ST6GALNAC3: variants seen among roughly 807,000 people sequenced by gnomAD.
ST6GALNAC3 encodes the protein alpha-N-acetylgalactosaminide alpha-2,6-sialyltransferase 3.
A neutral mutation model predicts 32.7 loss-of-function variants in ST6GALNAC3; 25 were observed. The ratio of observed to expected loss-of-function variants is 0.76; its 90% CI spans 0.56 to 1.07. The LOEUF (loss-of-function observed/expected upper bound fraction) is 1.07, where lower values mean the gene tolerates loss of function less well. Among genes scored for constraint, ST6GALNAC3 ranks in the 50% least tolerant of loss-of-function variants. The probability of loss-of-function intolerance (pLI) is 0.00; values close to 1 mark genes in which losing one functional copy is unlikely to be tolerated. For synonymous variants in ST6GALNAC3, 129 were observed against 133.1 expected, an observed-to-expected ratio of 0.97 and a Z score of 0.21; for missense variants, 355 against 382.4, an observed-to-expected ratio of 0.93 and a Z score of 0.60.
At chr1:76,330,808 T>A (rs774345040) in intron 2 of ST6GALNAC3, among the ~76,000 whole-genome samples, 12 of 152,186 alleles carry the variant, frequency 7.9e-5, no homozygotes, top group Non-Finnish European at 1.6e-4. Context: ...CAAAATCTGG[T>A]GTCTTAGTCA....
intron 1 of ST6GALNAC3, among the ~76,000 whole-genome samples, chr1:76,232,851 G>A (rs1359341615): frequency 2.0e-5 from 3 of 152,232 alleles, no homozygotes; most frequent in Non-Finnish European, 4.4e-5. Flanking sequence ...CCGAGATGGA[G>A]ATGAGCCACT....
At chr1:76,544,973 A>C (rs1220265138) in intron 3 of ST6GALNAC3, among the ~76,000 whole-genome samples, 2 of 152,152 alleles carry the variant, frequency 1.3e-5, no homozygotes, top group African/African-American at 4.8e-5. Flanking sequence ...GCTGCATGAA[A>C]TCCTCTCTCC....
chr1:76,461,587 T>C (rs943456592), intron 3 of ST6GALNAC3, among the ~76,000 whole-genome samples: 3 of 152,174 alleles, frequency 2.0e-5, no homozygotes, highest in African/African-American at 7.2e-5. Context: ...GCATCTGCCA[T>C]GCTTGTTACA....
intron 3 of ST6GALNAC3, among the ~76,000 whole-genome samples, chr1:76,503,487 G>A (rs1319898604): frequency 6.6e-6 from 1 of 152,200 alleles, no homozygotes; most frequent in African/African-American, 2.4e-5. Flanking sequence ...TTACTGACTG[G>A]TAATAGCAAA....
intron 1 of ST6GALNAC3, among the ~76,000 whole-genome samples, chr1:76,157,762 A>T (rs1250413372): frequency 3.3e-5 from 5 of 152,246 alleles, no homozygotes; most frequent in African/African-American, 1.2e-4. Context: ...GTACAGAATA[A>T]CTATACCACC....
intron 1 of ST6GALNAC3, among the ~76,000 whole-genome samples, chr1:76,258,706 T>C (rs1026338043): frequency 5.9e-5 from 9 of 152,168 alleles, no homozygotes; most frequent in African/African-American, 2.2e-4. Context: ...CATTGTAAGA[T>C]GTGACTGCAG....
At chr1:76,325,523 G>A (rs1647051101) in intron 2 of ST6GALNAC3, among the ~76,000 whole-genome samples, 1 of 151,724 alleles carries the variant, frequency 6.6e-6, no homozygotes, top group Non-Finnish European at 1.5e-5. Context: ...CTTTTTGGTG[G>A]CTTGGTATGG....
In ST6GALNAC3 at chr1:76,509,252, G is replaced by A. The variant is rs750266521; in HGVS notation, c.623+96835G>A. Among the ~76,000 whole-genome samples, 1 of 152,114 alleles carries A rather than the reference G, an allele frequency of 6.6e-6. No individual in the cohort carries two copies. Among genetic ancestry groups the A allele is most frequent in the Non-Finnish European group, 1.5e-5 (1 of 68,018 alleles). On this transcript the variant is annotated intron_variant, in intron 3 of 4. Transcript: ENST00000328299. This position sits in a 1 kb window ranked among gnomAD's most constrained non-coding sequence, Gnocchi z 5.5. ...CACAAATTGGAAGATAAATAAAAGG[G>A]GCAGCAGGCAGTGAGTAGTTGTTAC...
intron 1 of ST6GALNAC3, among the ~76,000 whole-genome samples, chr1:76,276,346 C>A (rs1659133693): frequency 6.6e-6 from 1 of 151,930 alleles, no homozygotes; most frequent in African/African-American, 2.4e-5. Flanking sequence ...ATAATTTTAC[C>A]CTTTATGTAT....
intron 1 of ST6GALNAC3, among the ~76,000 whole-genome samples, chr1:76,240,955 G>A (rs1220497438): frequency 2.6e-5 from 4 of 152,058 alleles, no homozygotes. Flanking sequence ...GCACCTAACA[G>A]CTATATAATC....
At chr1:76,366,350 T>G (rs1650372482) in intron 2 of ST6GALNAC3, among the ~76,000 whole-genome samples, 1 of 152,182 alleles carries the variant, frequency 6.6e-6, no homozygotes, top group South Asian at 2.1e-4. Context: ...GAAAATGAAG[T>G]ACATACTATT....
intron 3 of ST6GALNAC3, among the ~76,000 whole-genome samples, chr1:76,559,750 A>G (rs1206279999): frequency 1.3e-5 from 2 of 152,176 alleles, no homozygotes; most frequent in Admixed American, 6.5e-5. Flanking sequence ...ATATCAATGC[A>G]AGAGGCACTG....
chr1:76,547,973 C>A (rs1177616848), intron 3 of ST6GALNAC3, among the ~76,000 whole-genome samples: 1 of 152,030 alleles, frequency 6.6e-6, no homozygotes, highest in African/African-American at 2.4e-5. Context: ...TGCTTTGAGC[C>A]ATTCTTTGTT....
At chr1:76,327,496 A>C (rs1003801964) in intron 2 of ST6GALNAC3, among the ~76,000 whole-genome samples, 2 of 152,166 alleles carry the variant, frequency 1.3e-5, no homozygotes, top group Non-Finnish European at 2.9e-5. Flanking sequence ...AAAGCTTTCA[A>C]CTGATTGGAT....
At chr1:76,577,416 A>G in intron 3 of ST6GALNAC3, 2 of 691,524 alleles carry the variant, frequency 2.9e-6, no homozygotes, top group Non-Finnish European at 3.6e-6. Context: ...CCCTGATAGT[A>G]TCTTGGCTCA....
intron 2 of ST6GALNAC3, among the ~76,000 whole-genome samples, chr1:76,337,064 G>A (rs1380937453): frequency 6.6e-6 from 1 of 152,158 alleles, no homozygotes; most frequent in African/African-American, 2.4e-5. Flanking sequence ...CCAATTATTC[G>A]AATCTGCTCA....
At chr1:76,394,812 GC>G (rs1390721920) in intron 2 of ST6GALNAC3, among the ~76,000 whole-genome samples, 1 of 152,112 alleles carries the variant, frequency 6.6e-6, no homozygotes. Context: ...ACAGATAGGA[GC>G]CCTGGTGTGA....
chr1:76,275,132 A>G (rs946703284), intron 1 of ST6GALNAC3, among the ~76,000 whole-genome samples: 2 of 152,216 alleles, frequency 1.3e-5, no homozygotes, highest in Admixed American at 6.5e-5. Flanking sequence ...TTCATTGCTC[A>G]AAGGCATTTA....
intron 2 of ST6GALNAC3, among the ~76,000 whole-genome samples, chr1:76,347,072 G>A (rs550653379): frequency 5.4e-4 from 82 of 152,142 alleles, no homozygotes; most frequent in Middle Eastern, 3.4e-3. Context: ...CTAATGAGCC[G>A]TCCTAAGGGT....
Sources: gnomAD v4.1 joint callset for allele counts (sites outside exome capture counted in the v4.1 genomes callset) on GRCh38, gnomAD v4.1.1 for gene constraint, Gnocchi (gnomAD v3.1) non-coding constraint, MANE v1.5 for transcripts, NCBI Gene and HGNC (gene_info 2026-07-23, HGNC 2026-07-21) for gene names.